CNTNAP2: variants seen among roughly 807,000 people sequenced by gnomAD.
CNTNAP2 encodes contactin associated protein 2, also known as contactin-associated protein-like 2.
CNTNAP2 carries 98 observed loss-of-function variants against 155.2 expected under a neutral mutation model. The ratio of observed to expected loss-of-function variants is 0.63; its 90% CI spans 0.54 to 0.75. CNTNAP2 has a LOEUF of 0.75. CNTNAP2 is among the 30% of genes least tolerant of loss of function. The probability of loss-of-function intolerance (pLI) is 0.00; values close to 1 mark genes in which losing one functional copy is unlikely to be tolerated. For synonymous variants in CNTNAP2, 651 were observed against 631.2 expected, an observed-to-expected ratio of 1.03 and a Z score of -0.47; for missense variants, 1,727 against 1,688.1, an observed-to-expected ratio of 1.02 and a Z score of -0.40.
At chr7:147,914,904 T>C (rs1302857707) in intron 14 of CNTNAP2, among the ~76,000 whole-genome samples, 1 of 152,148 alleles carries the variant, frequency 6.6e-6, no homozygotes, top group Non-Finnish European at 1.5e-5. Flanking sequence ...CATACATAAT[T>C]TCTAGAAAAT....
intron 3 of CNTNAP2, among the ~76,000 whole-genome samples, chr7:146,908,923 AAAAG>A (rs1585151407): frequency 6.7e-6 from 1 of 149,512 alleles, no homozygotes; most frequent in Non-Finnish European, 1.5e-5. Flanking sequence ...AATAAAGAAA[AAAAG>A]AGAGAAGAAT....
intron 8 of CNTNAP2, among the ~76,000 whole-genome samples, chr7:147,265,299 G>A (rs1297979104): frequency 6.6e-6 from 1 of 152,174 alleles, no homozygotes; most frequent in East Asian, 1.9e-4. Flanking sequence ...GTAGCTCCAG[G>A]CCACCATTTT....
chr7:146,932,623 A>G (rs375423028), intron 3 of CNTNAP2, among the ~76,000 whole-genome samples: 9 of 152,150 alleles, frequency 5.9e-5, no homozygotes, highest in Non-Finnish European at 1.0e-4. Flanking sequence ...AGGGTATTCA[A>G]TTAGGAAAAG....
At chr7:148,373,612 G>A (rs1023932870) in intron 21 of CNTNAP2, among the ~76,000 whole-genome samples, 4 of 152,126 alleles carry the variant, frequency 2.6e-5, no homozygotes, top group Non-Finnish European at 4.4e-5. Flanking sequence ...TCATTATGTG[G>A]TGCCTGACTG....
intron 1 of CNTNAP2, among the ~76,000 whole-genome samples, chr7:146,760,156 A>C (rs1802066193): frequency 6.6e-6 from 1 of 152,134 alleles, no homozygotes; most frequent in African/African-American, 2.4e-5. Flanking sequence ...AAATGAGCCA[A>C]ACCTCCTATT....
intron 15 of CNTNAP2, among the ~76,000 whole-genome samples, chr7:148,025,253 C>T (rs995630397): frequency 3.0e-4 from 45 of 152,162 alleles, no homozygotes; most frequent in African/African-American, 9.9e-4. Flanking sequence ...ATTTTCCAGA[C>T]TTTTGCATTT....
At chr7:147,325,146 A>G (rs2116828878) in intron 9 of CNTNAP2, among the ~76,000 whole-genome samples, 1 of 152,232 alleles carries the variant, frequency 6.6e-6, no homozygotes, top group East Asian at 1.9e-4. Context: ...TAAAAATACA[A>G]AAAATTAGCT....
intron 8 of CNTNAP2, among the ~76,000 whole-genome samples, chr7:147,142,685 T>C (rs907725572): frequency 1.3e-5 from 2 of 152,166 alleles, no homozygotes; most frequent in Non-Finnish European, 2.9e-5. Flanking sequence ...CACACCAACA[T>C]GGCACATGTA....
At chr7:146,162,908 C>CA (rs1208091892) in intron 1 of CNTNAP2, among the ~76,000 whole-genome samples, 1 of 152,016 alleles carries the variant, frequency 6.6e-6, no homozygotes, top group African/African-American at 2.4e-5. Flanking sequence ...ATCACAAGGA[C>CA]AAAAAACCAA....
intron 1 of CNTNAP2, among the ~76,000 whole-genome samples, chr7:146,768,789 T>C (rs1802243298): frequency 6.6e-6 from 1 of 152,188 alleles, no homozygotes; most frequent in Admixed American, 6.5e-5. Context: ...TGTTACCAAA[T>C]GGGTCATATA....
chr7:148,207,928 A>G (rs1316879304), intron 18 of CNTNAP2, among the ~76,000 whole-genome samples: 5 of 152,084 alleles, frequency 3.3e-5, no homozygotes, highest in Admixed American at 6.5e-5. Context: ...TACTAAAAAT[A>G]CAAAAAAAAA....
intron 1 of CNTNAP2, among the ~76,000 whole-genome samples, chr7:146,307,868 A>G (rs1800744071): frequency 6.8e-6 from 1 of 147,178 alleles, no homozygotes; most frequent in Non-Finnish European, 1.5e-5. Flanking sequence ...ACCTAAAACC[A>G]TAAAAACCCT....
chr7:148,092,418 G>T (rs545339220), intron 15 of CNTNAP2, among the ~76,000 whole-genome samples: 6 of 152,122 alleles, frequency 3.9e-5, no homozygotes, highest in African/African-American at 1.2e-4. Context: ...TGGAGAGGCT[G>T]GTTGTGTTTT....
intron 1 of CNTNAP2, among the ~76,000 whole-genome samples, chr7:146,253,093 T>C (rs1405852302): frequency 6.6e-6 from 1 of 152,166 alleles, no homozygotes; most frequent in Non-Finnish European, 1.5e-5. Flanking sequence ...AATGGTGCAA[T>C]ACTGTGTTTT....
chr7:146,947,557 G>GTATGTATATATATATA, intron 3 of CNTNAP2, among the ~76,000 whole-genome samples: 1 of 50,734 alleles, frequency 2.0e-5, no homozygotes, highest in African/African-American at 5.7e-5. Flanking sequence ...GTGTGTGTGT[G>GTATGTATATATATATA]TATATATATA....
chr7:147,853,769 A>G (rs74639673), intron 13 of CNTNAP2, among the ~76,000 whole-genome samples: 6,736 of 152,128 alleles, frequency 0.044, 270 homozygotes, highest in Admixed American at 0.12. Flanking sequence ...ATTTTTTCTC[A>G]TTCTTTTTTA....
At chr7:147,990,433 G>C (rs1269697286) in intron 15 of CNTNAP2, among the ~76,000 whole-genome samples, 2 of 152,100 alleles carry the variant, frequency 1.3e-5, no homozygotes, top group African/African-American at 2.4e-5. Flanking sequence ...TCACAGGCTT[G>C]GACTGTTTCT....
At chr7:146,892,233 CAT>C (rs1365302181) in intron 3 of CNTNAP2, among the ~76,000 whole-genome samples, 11 of 152,140 alleles carry the variant, frequency 7.2e-5, no homozygotes, top group Admixed American at 1.3e-4. Flanking sequence ...ACTTTCTCCT[CAT>C]GTGGGCATTT....
intron 1 of CNTNAP2, among the ~76,000 whole-genome samples, chr7:146,349,027 T>C (rs1794872190): frequency 2.0e-5 from 3 of 152,168 alleles, no homozygotes; most frequent in Admixed American, 1.3e-4. Flanking sequence ...AAAATCAGAA[T>C]GTGTGACTTT....
Sources: gnomAD v4.1 joint callset for allele counts (sites outside exome capture counted in the v4.1 genomes callset) on GRCh38, gnomAD v4.1.1 for gene constraint, MANE v1.5 for transcripts, NCBI Gene and HGNC (gene_info 2026-07-23, HGNC 2026-07-21) for gene names.